The following CFAP61 variants were observed in gnomAD, a reference collection of about 807,000 sequenced individuals.
CFAP61 encodes the protein cilia and flagella associated protein 61.
In CFAP61, 107 loss-of-function variants were observed where a neutral mutation model predicts 135.6. The observed-to-expected ratio is 0.79, with a 90% confidence interval of 0.67 to 0.93. CFAP61 has a LOEUF of 0.93. CFAP61 is among the 40% of genes least tolerant of loss of function. The pLI, the probability that CFAP61 is intolerant of heterozygous loss-of-function variation, is 0.00. For synonymous variants in CFAP61, 575 were observed against 578.5 expected (o/e 0.99, Z 0.09); for missense variants, 1,507 against 1,556.2 (o/e 0.97, Z 0.53).
At chr20:20,123,971 GTTTTTTTTT>G (rs35528584) in intron 8 of CFAP61, among the ~76,000 whole-genome samples, 1 of 65,268 alleles carries the variant, frequency 1.5e-5, no homozygotes, top group East Asian at 4.6e-4. Context: ...ATATTCCTAA[GTTTTTTTTT>G]TTTTTTTTTT....
At position 20,052,590 on chromosome 20, in the gene CFAP61, A is replaced by C; in HGVS notation, c.-38A>C. On this transcript the variant is annotated splice_region_variant and 5_prime_UTR_variant, in exon 1 of 27. Coordinates refer to ENST00000245957, the MANE Select transcript of CFAP61 (RefSeq NM_015585.4). The stretch of plus-strand genomic sequence containing the variant: ...GTGCGGCGTCCTGGAGCTGCGGATG[A>C]GGTGGGTAACGCCGTGCTGACTAGC... 1 of 1,613,826 alleles carries C rather than the reference A, an allele frequency of 6.2e-7. No individual in the cohort carries two copies. Among genetic ancestry groups the C allele is most frequent in the Non-Finnish European group, 8.5e-7 (1 of 1,179,866 alleles).
intron 8 of CFAP61, among the ~76,000 whole-genome samples, chr20:20,129,336 A>G (rs1433949156): frequency 2.0e-5 from 3 of 151,736 alleles, no homozygotes; most frequent in Non-Finnish European, 4.4e-5. Flanking sequence ...AGTTTGCTGG[A>G]TACAGTATTC....
chr20:20,322,872 A>G lies in CFAP61; in HGVS notation c.3423-18959A>G, dbSNP rs868169667. The G allele has an allele frequency of 4.2e-5, 41 of 985,290 alleles. 1 individual carries two copies. Among genetic ancestry groups the G allele is most frequent in the Middle Eastern group, 5.2e-4 (1 of 1,914 alleles). The allele number at this position is 985,290 out of a possible 1,614,324, so 61.0% of individuals were successfully genotyped here. A position where few individuals can be genotyped will look rare whatever the true frequency, so the allele number is the denominator to read the frequency against. The stretch of plus-strand genomic sequence containing the variant: ...ATTAATGAAAATCAAATTTACTAAT[A>G]TGACACAAAATCTGTTCTTCCTTGT... On this transcript the variant is annotated intron_variant, in intron 25 of 26. Coordinates refer to ENST00000245957, the MANE Select transcript of CFAP61 (RefSeq NM_015585.4).
intron 25 of CFAP61, among the ~76,000 whole-genome samples, chr20:20,304,469 A>G (rs2033295686): frequency 6.6e-6 from 1 of 151,948 alleles, no homozygotes; most frequent in African/African-American, 2.4e-5. Flanking sequence ...TCTTCCCCTT[A>G]AAAGCATTTG....
At chr20:20,291,284 A>G (rs1235751876) in intron 24 of CFAP61, among the ~76,000 whole-genome samples, 1 of 152,226 alleles carries the variant, frequency 6.6e-6, no homozygotes, top group Admixed American at 6.5e-5. Context: ...GAGCAGCTTC[A>G]CTGCCCTAAG....
intron 17 of CFAP61, among the ~76,000 whole-genome samples, chr20:20,205,645 CTT>C (rs1450209855): frequency 3.3e-5 from 5 of 152,230 alleles, no homozygotes; most frequent in African/African-American, 1.2e-4. Flanking sequence ...ATCATCCACT[CTT>C]GGGTTTGATC....
intron 25 of CFAP61, chr20:20,316,979 C>T (rs68063576): frequency 0.19 from 28,983 of 148,700 alleles, 3,672 homozygotes; most frequent in African/African-American, 0.35. Context: ...TGGGTTCAAG[C>T]GATTATCATG....
At chr20:20,226,070 A>G (rs1046312936) in intron 17 of CFAP61, 2 of 152,262 alleles carry the variant, frequency 1.3e-5, no homozygotes, top group African/African-American at 4.8e-5. Flanking sequence ...TCAGTAGCAT[A>G]TAAAAAACAA....
At chr20:20,199,312 G>T (rs1189260785) in intron 16 of CFAP61, among the ~76,000 whole-genome samples, 2 of 152,096 alleles carry the variant, frequency 1.3e-5, no homozygotes, top group Non-Finnish European at 2.9e-5. Context: ...TTACAAACAG[G>T]AGGATTTTCA....
intron 26 of CFAP61, among the ~76,000 whole-genome samples, chr20:20,358,804 A>C (rs1569337411): frequency 6.6e-6 from 1 of 152,214 alleles, no homozygotes; most frequent in Non-Finnish European, 1.5e-5. Flanking sequence ...ATAAGCTCTT[A>C]TCACTAGTAA....
intron 25 of CFAP61, among the ~76,000 whole-genome samples, chr20:20,337,498 G>GTGGGTGGATGGATGGATGGATGGATGGA (rs2058260086): frequency 5.3e-4 from 6 of 11,278 alleles, no homozygotes; most frequent in Admixed American, 1.0e-3. Flanking sequence ...GGATAGATGG[G>GTGGGTGGATGGATGGATGGATGGATGGA]TGGATGGATA....
chr20:20,251,733 C>T lies in CFAP61; in HGVS notation c.2298C>T (p.His766=), dbSNP rs2050931231. The T allele has an allele frequency of 7.4e-6, 12 of 1,613,870 alleles. No homozygotes were observed. The highest frequency in any genetic ancestry group is 1.3e-5 in the African/African-American group (1 of 74,936). ...CGGACGAGATCGTGCCCTACGACCA[C>T]CTCATCCTCTGCACCGGGCAGCAGT... ...LSTDEIVPYD[H]LILCTGQQYQ... is the part of the protein sequence containing the mutation. The change falls in exon 20 of 27, where the codon CAC becomes CAT. Residue 766 remains histidine, a synonymous_variant. Transcript: ENST00000245957.
At chr20:20,258,730 T>C (rs1367379793) in intron 20 of CFAP61, among the ~76,000 whole-genome samples, 1 of 152,200 alleles carries the variant, frequency 6.6e-6, no homozygotes, top group Non-Finnish European at 1.5e-5. Context: ...GACAGGAGCC[T>C]GCTGCCAGGC....
At chr20:20,074,574 C>T (rs1054552568) in intron 4 of CFAP61, among the ~76,000 whole-genome samples, 196 bp downstream of exon 4, 5 of 152,126 alleles carry the variant, frequency 3.3e-5, no homozygotes, top group Admixed American at 6.5e-5. Context: ...CCATTCTGCA[C>T]GCTGTTATCA....
chr20:20,255,033 A>G (rs530592379), intron 20 of CFAP61, among the ~76,000 whole-genome samples: 4 of 152,340 alleles, frequency 2.6e-5, no homozygotes, highest in South Asian at 2.1e-4. Context: ...GGCTACCTGC[A>G]TAACTCCAAA....
Position 20,356,204 on chromosome 20 carries a change from G to T in CFAP61, c.3514-4006G>T, listed in dbSNP as rs1356629511. Reference sequence around the variant, plus strand: ...GGGGTGGTCACACTGAGGGGAGGTGGTCATACTGTGAGTGAGGAGCTAGTC... The same window carrying T: ...GGGGTGGTCACACTGAGGGGAGGTGTTCATACTGTGAGTGAGGAGCTAGTC... On this transcript the variant is annotated intron_variant, in intron 26 of 26. Coordinates refer to ENST00000245957, the MANE Select transcript of CFAP61 (RefSeq NM_015585.4). Among the ~76,000 whole-genome samples, 2 of 135,668 alleles carry T rather than the reference G, an allele frequency of 1.5e-5. 1 individual carries two copies. Among genetic ancestry groups the T allele is most frequent in the African/African-American group, 5.5e-5 (2 of 36,524 alleles). 89.0% of individuals were successfully genotyped at this position (135,668 alleles called of 152,430 possible).
intron 22 of CFAP61, 85 bp from the exon 23 acceptor site, chr20:20,288,524 A>G: frequency 9.5e-7 from 1 of 1,048,532 alleles, no homozygotes; most frequent in Admixed American, 2.0e-5. Flanking sequence ...CCCGAATAAT[A>G]AAATGCCCTG....
intron 8 of CFAP61, among the ~76,000 whole-genome samples, chr20:20,118,253 G>GTTTGTTTCTTTC (rs1555872842): frequency 1.9e-4 from 26 of 138,528 alleles, no homozygotes; most frequent in African/African-American, 5.2e-4. Context: ...TTTGAGGTAT[G>GTTTGTTTCTTTC]TTTCTTTCTT....
At chr20:20,302,481 G>A (rs1156338806) in intron 25 of CFAP61, among the ~76,000 whole-genome samples, 2 of 152,072 alleles carry the variant, frequency 1.3e-5, no homozygotes, top group East Asian at 1.9e-4. Context: ...GGCCAACATG[G>A]GGAAAACGCA....
Sources: allele counts gnomAD v4.1 joint callset (sites outside exome capture counted in the v4.1 genomes callset), GRCh38; gene constraint gnomAD v4.1.1; transcripts MANE v1.5; gene names NCBI Gene and HGNC (gene_info 2026-07-23, HGNC 2026-07-21).